NME7: variants seen among roughly 807,000 people sequenced by gnomAD.
The protein encoded by NME7 is nucleoside diphosphate kinase 7.
In NME7, 41 loss-of-function variants were observed where a neutral mutation model predicts 49.1. The observed-to-expected ratio is 0.83, with a 90% CI of 0.65 to 1.08. The LOEUF is 1.08. Ranked by LOEUF, NME7 falls within the 50% of genes least tolerant of loss-of-function variation. NME7 has a pLI of 0.00. For missense variants in NME7, 423 were observed against 463.4 expected (o/e 0.91, Z 0.80); for synonymous variants, 139 against 150.6 (o/e 0.92, Z 0.56).
chr1:169,305,101 C>A (rs936412234), intron 4 of NME7, among the ~76,000 whole-genome samples: 3 of 152,202 alleles, frequency 2.0e-5, no homozygotes, highest in Admixed American at 2.0e-4. Flanking sequence ...CAACATGTCC[C>A]TGATTCCATA....
At chr1:169,192,901 C>A (rs533863475) in intron 10 of NME7, among the ~76,000 whole-genome samples, 4 of 151,910 alleles carry the variant, frequency 2.6e-5, no homozygotes, top group African/African-American at 9.7e-5. Context: ...TTGAAGCACT[C>A]CTGAAAGGAA....
chr1:169,358,211 CT>C (rs1308179079), intron 1 of NME7, among the ~76,000 whole-genome samples: 2 of 151,920 alleles, frequency 1.3e-5, no homozygotes, highest in South Asian at 2.1e-4. Context: ...AGGCAGCAAT[CT>C]GGTTAATATG....
chr1:169,153,859 C>A (rs535287461), intron 11 of NME7, among the ~76,000 whole-genome samples: 11 of 140,296 alleles, frequency 7.8e-5, no homozygotes, highest in African/African-American at 2.9e-4. Flanking sequence ...CCACCATGCT[C>A]GGCTAATTTT....
At chr1:169,246,146 GA>G (rs772010403) in intron 7 of NME7, among the ~76,000 whole-genome samples, 20 of 149,606 alleles carry the variant, frequency 1.3e-4, no homozygotes, top group Admixed American at 1.0e-3. Flanking sequence ...CAAAAAATAT[GA>G]AAAAAAAAAT....
intron 1 of NME7, among the ~76,000 whole-genome samples, chr1:169,361,641 G>A (rs995107569): frequency 6.6e-6 from 1 of 151,638 alleles, no homozygotes; most frequent in Non-Finnish European, 1.5e-5. Flanking sequence ...TTAGCCAGGC[G>A]TGGTGGCATG....
chr1:169,214,019 T>C (rs12740226), intron 10 of NME7, among the ~76,000 whole-genome samples: 9,443 of 152,142 alleles, frequency 0.062, 386 homozygotes, highest in East Asian at 0.12. Flanking sequence ...TACAAGCATA[T>C]CTTTTGAAGA....
At chr1:169,219,656 T>C (rs1183662526) in intron 10 of NME7, among the ~76,000 whole-genome samples, 1 of 152,178 alleles carries the variant, frequency 6.6e-6, no homozygotes, top group African/African-American at 2.4e-5. Context: ...CACCTCAGCA[T>C]CTAAAGTAGC....
intron 7 of NME7, among the ~76,000 whole-genome samples, chr1:169,276,957 T>C (rs935742916): frequency 2.7e-5 from 4 of 150,592 alleles, no homozygotes; most frequent in Non-Finnish European, 5.9e-5. Flanking sequence ...CCAGTAGTCA[T>C]TCAGGAGCAG....
intron 10 of NME7, among the ~76,000 whole-genome samples, chr1:169,225,296 A>G (rs531194138): frequency 6.6e-6 from 1 of 152,170 alleles, no homozygotes; most frequent in Admixed American, 6.5e-5. Context: ...TTTAGCAGAG[A>G]TGGGGTTTCG....
At chr1:169,205,457 T>C (rs1254475244) in intron 10 of NME7, among the ~76,000 whole-genome samples, 3 of 152,160 alleles carry the variant, frequency 2.0e-5, no homozygotes, top group Non-Finnish European at 1.5e-5. Flanking sequence ...GCATGTATCC[T>C]AGGCTCTGAG....
intron 5 of NME7, among the ~76,000 whole-genome samples, chr1:169,301,463 A>G (rs929576392): frequency 2.0e-5 from 3 of 152,168 alleles, no homozygotes; most frequent in African/African-American, 7.2e-5. Context: ...ATGCTTATAC[A>G]CGGTTGGTGG....
intron 4 of NME7, among the ~76,000 whole-genome samples, chr1:169,304,552 C>T (rs992650962): frequency 1.3e-5 from 2 of 152,078 alleles, no homozygotes; most frequent in Non-Finnish European, 2.9e-5. Context: ...GAATAAAATT[C>T]ATCCCGAGAC....
At chr1:169,337,258 C>T (rs1020323970) in intron 1 of NME7, among the ~76,000 whole-genome samples, 8 of 152,328 alleles carry the variant, frequency 5.3e-5, no homozygotes, top group South Asian at 4.1e-4. Flanking sequence ...AGAAATCGAG[C>T]GCAGCGCCGG....
intron 1 of NME7, among the ~76,000 whole-genome samples, chr1:169,330,386 A>C (rs1469049556): frequency 2.0e-5 from 3 of 152,156 alleles, no homozygotes; most frequent in African/African-American, 7.2e-5. Context: ...ATGGCTACTA[A>C]GAAGTCAAAA....
rs1016185382 is a variant in NME7 at position 169,268,673 on chromosome 1, C to A, written c.754+18630G>T. ...TGGAACTGGAGGCCATTATCCTTAG[C>A]AAACTAATGAAGGAACAGAAAACCA... On this transcript the variant is annotated intron_variant, in intron 7 of 11. Transcript: ENST00000367811. 4.6e-4 allele frequency among the ~76,000 whole-genome samples: 61 copies of A among 133,406 alleles called. 18 individuals are homozygous for A. The highest frequency in any genetic ancestry group is 2.3e-4 in the South Asian group (1 of 4,326). The allele number at this position is 133,406 out of a possible 152,430, so 87.5% of individuals were successfully genotyped here. A position where few individuals can be genotyped will look rare whatever the true frequency, so the allele number is the denominator to read the frequency against.
chr1:169,271,617 T>G (rs749083741), intron 7 of NME7, among the ~76,000 whole-genome samples: 2 of 133,572 alleles, frequency 1.5e-5, no homozygotes, highest in African/African-American at 2.5e-5. Flanking sequence ...GCTTGCCCTT[T>G]ATTGTATTAA....
At position 169,323,102 on chromosome 1, in the gene NME7, T is replaced by C; in HGVS notation, c.278+15A>G. 1.3e-6 allele frequency: 2 copies of C among 1,530,438 alleles called. No homozygotes were observed. Among genetic ancestry groups the C allele is most frequent in the African/African-American group, 1.4e-5 (1 of 71,228 alleles). The allele number at this position is 1,530,438 out of a possible 1,614,324, so 94.8% of individuals were successfully genotyped here. On this transcript the variant is annotated intron_variant, in intron 3 of 11. Transcript: ENST00000367811. ...AGTTAGAGCATGTAAAAAGATTATA[T>C]AATTGTTTTCTTACTTTTCTTTCCT...
chr1:169,136,649 A>G, intron 11 of NME7, among the ~76,000 whole-genome samples: 1 of 152,214 alleles, frequency 6.6e-6, no homozygotes, highest in East Asian at 1.9e-4. Flanking sequence ...TTCATGTAAC[A>G]TATTCAACAT....
In NME7 at chr1:169,279,162, C is replaced by A. The variant is rs1482129829; in HGVS notation, c.754+8141G>T. On this transcript the variant is annotated intron_variant, in intron 7 of 11. Coordinates refer to ENST00000367811, the MANE Select transcript of NME7 (RefSeq NM_013330.5). ...TCAGGGACCCACTTGAGGAGGCAGT[C>A]TGCCCGTTCTCAGATCTCCCCCTGG... 3.3e-5 allele frequency among the ~76,000 whole-genome samples: 5 copies of A among 152,186 alleles called. No homozygotes were observed. In the East Asian group the frequency reaches 9.6e-4, roughly 29 times the overall value.
Sources: allele counts gnomAD v4.1 joint callset (sites outside exome capture counted in the v4.1 genomes callset), GRCh38; gene constraint gnomAD v4.1.1; transcripts MANE v1.5; gene names NCBI Gene and HGNC (gene_info 2026-07-23, HGNC 2026-07-21).